Variants in SOBP observed in about 807,000 individuals in gnomAD.
The protein encoded by SOBP is sine oculis binding protein homolog.
In SOBP, 4 loss-of-function variants were observed where a neutral mutation model predicts 53.6. The ratio of observed to expected loss-of-function variants is 0.07; its 90% CI spans 0.04 to 0.17. The LOEUF (loss-of-function observed/expected upper bound fraction) is 0.17, where lower values mean the gene tolerates loss of function less well. SOBP is among the 10% of genes least tolerant of loss of function. The probability of loss-of-function intolerance (pLI) is 1.00; values close to 1 mark genes in which losing one functional copy is unlikely to be tolerated. For synonymous variants in SOBP, 584 were observed against 522.6 expected, an observed-to-expected ratio of 1.12 and a Z score of -1.60; for missense variants, 1,088 against 1,204.7, an observed-to-expected ratio of 0.90 and a Z score of 1.43.
In SOBP at chr6:107,490,518, G is replaced by A. The variant is rs944499290; in HGVS notation, c.-99G>A. On this transcript the variant is annotated 5_prime_UTR_variant, in exon 1 of 7. Coordinates refer to ENST00000317357, the MANE Select transcript of SOBP (RefSeq NM_018013.4). ...CAGCACCGCTACCTCCGCCAGCCTC[G>A]CCACCATCAGCACCACCTCCACCGC... is the stretch of plus-strand genomic sequence containing the variant. 67 of 827,926 alleles carry A rather than the reference G, an allele frequency of 8.1e-5. No individual in the cohort carries two copies. In the African/African-American group the frequency reaches 1.0e-3, roughly 13 times the overall value. 51.3% of individuals were successfully genotyped at this position (827,926 alleles called of 1,614,324 possible). A position where few individuals can be genotyped will look rare whatever the true frequency, so the allele number is the denominator to read the frequency against.
chr6:107,530,736 G>A (rs1007006989), intron 3 of SOBP, among the ~76,000 whole-genome samples: 8 of 152,026 alleles, frequency 5.3e-5, no homozygotes, highest in African/African-American at 1.2e-4. Context: ...GAAAAACTGC[G>A]GGGAGCGTTG....
intron 6 of SOBP, among the ~76,000 whole-genome samples, chr6:107,655,328 T>C (rs1006668710): frequency 6.6e-6 from 1 of 152,100 alleles, no homozygotes; most frequent in Non-Finnish European, 1.5e-5. Context: ...CCAGAGTCTT[T>C]TCCTGTGTCA....
chr6:107,492,049 C>T lies in SOBP; in HGVS notation c.96+1337C>T, dbSNP rs981050163. The stretch of plus-strand genomic sequence containing the variant: ...AGGGGTTTTATTACTGGATAAGGAA[C>T]TTAGTACCTGGAAGCATGAGGTGCA... On this transcript the variant is annotated intron_variant, in intron 1 of 6. Transcript: ENST00000317357. 5.3e-5 allele frequency among the ~76,000 whole-genome samples: 8 copies of T among 152,138 alleles called. 1 individual carries two copies. Among genetic ancestry groups the T allele is most frequent in the South Asian group, 4.1e-4 (2 of 4,824 alleles).
intron 6 of SOBP, among the ~76,000 whole-genome samples, chr6:107,657,066 C>T (rs1278472697): frequency 3.9e-5 from 6 of 152,218 alleles, no homozygotes; most frequent in Admixed American, 2.6e-4. Context: ...GCGCCCACAG[C>T]GGGCCAGACT....
chr6:107,568,954 A>C (rs569733301), intron 4 of SOBP, among the ~76,000 whole-genome samples: 3 of 152,234 alleles, frequency 2.0e-5, no homozygotes, highest in Admixed American at 2.0e-4. Flanking sequence ...TAAAAAAGAA[A>C]GAAAGATCCG....
intron 5 of SOBP, among the ~76,000 whole-genome samples, chr6:107,610,796 G>GCA (rs150127640): frequency 0.019 from 2,776 of 149,010 alleles, 51 homozygotes; most frequent in Middle Eastern, 0.076. Context: ...GTGTGCACAC[G>GCA]CACACACACA....
intron 2 of SOBP, among the ~76,000 whole-genome samples, chr6:107,504,430 T>G (rs571105719): frequency 1.2e-3 from 182 of 152,296 alleles, no homozygotes; most frequent in Non-Finnish European, 1.2e-3. Flanking sequence ...AGAGCTGAAT[T>G]AACACTGATT....
intron 4 of SOBP, among the ~76,000 whole-genome samples, chr6:107,543,060 A>T (rs1318855722): frequency 1.3e-5 from 2 of 152,218 alleles, no homozygotes; most frequent in African/African-American, 4.8e-5. Flanking sequence ...TGTCAGCTTT[A>T]TTCTGAGAGT....
intron 5 of SOBP, among the ~76,000 whole-genome samples, chr6:107,626,076 C>T (rs985861700): frequency 6.6e-6 from 1 of 151,974 alleles, no homozygotes; most frequent in Non-Finnish European, 1.5e-5. Context: ...CAAATATATA[C>T]TTGAAAAACA....
At chr6:107,641,987 G>A (rs2115164249) in intron 6 of SOBP, among the ~76,000 whole-genome samples, 1 of 152,322 alleles carries the variant, frequency 6.6e-6, no homozygotes, top group South Asian at 2.1e-4. Flanking sequence ...CGTTTTAAGT[G>A]CATAGCACTT....
chr6:107,545,376 A>T (rs368383998), intron 4 of SOBP, among the ~76,000 whole-genome samples: 1 of 152,212 alleles, frequency 6.6e-6, no homozygotes, highest in South Asian at 2.1e-4. Context: ...TAGGCAAGAC[A>T]ATCGTGATAA....
At chr6:107,569,803 G>A (rs929951822) in intron 4 of SOBP, among the ~76,000 whole-genome samples, 42 of 152,248 alleles carry the variant, frequency 2.8e-4, no homozygotes, top group African/African-American at 9.4e-4. Context: ...AATAAGTGGA[G>A]GAGAAATGCC....
chr6:107,529,528 A>G (rs1371298372), intron 3 of SOBP: 6 of 985,324 alleles, frequency 6.1e-6, no homozygotes, highest in Non-Finnish European at 7.2e-6. Flanking sequence ...GACTCCCATG[A>G]AAGTTACAAA....
intron 4 of SOBP, among the ~76,000 whole-genome samples, chr6:107,546,349 G>A (rs1784300861): frequency 6.6e-6 from 1 of 152,226 alleles, no homozygotes; most frequent in Non-Finnish European, 1.5e-5. Flanking sequence ...AGGAAAATCA[G>A]TTGAAGCAAA....
chr6:107,555,990 G>T (rs777927121), intron 4 of SOBP, among the ~76,000 whole-genome samples: 60 of 152,178 alleles, frequency 3.9e-4, no homozygotes, highest in Non-Finnish European at 7.2e-4. Context: ...ATATGTTAGG[G>T]GTAAGAGGAT....
chr6:107,564,208 AT>A (rs200206504), intron 4 of SOBP, among the ~76,000 whole-genome samples: 2,589 of 152,248 alleles, frequency 0.017, 33 homozygotes, highest in East Asian at 0.051. Flanking sequence ...AGCAGACTGA[AT>A]GTAATCTGGC....
chr6:107,505,752 G>A (rs1249645203), intron 2 of SOBP, among the ~76,000 whole-genome samples: 1 of 152,184 alleles, frequency 6.6e-6, no homozygotes, highest in Non-Finnish European at 1.5e-5. Context: ...GCAGATTCAA[G>A]TGATTCTCTT....
intron 5 of SOBP, among the ~76,000 whole-genome samples, chr6:107,633,024 A>G (rs1300530984): frequency 1.3e-5 from 2 of 152,198 alleles, no homozygotes; most frequent in Non-Finnish European, 2.9e-5. Context: ...TGGTTAACAC[A>G]GTACACTCTT....
chr6:107,596,804 A>G (rs1435626532), intron 5 of SOBP, among the ~76,000 whole-genome samples: 1 of 152,202 alleles, frequency 6.6e-6, no homozygotes, highest in Non-Finnish European at 1.5e-5. Context: ...GTATGTTTCT[A>G]TAGATTAGGA....
Sources: gnomAD v4.1 joint callset for allele counts (sites outside exome capture counted in the v4.1 genomes callset) on GRCh38, gnomAD v4.1.1 for gene constraint, MANE v1.5 for transcripts, NCBI Gene and HGNC (gene_info 2026-07-23, HGNC 2026-07-21) for gene names.